Variants in PARP10 observed in about 807,000 individuals in gnomAD.
PARP10 encodes protein mono-ADP-ribosyltransferase PARP10.
Under a neutral mutation model 82.4 loss-of-function variants are expected in PARP10, and 56 were observed. The observed-to-expected ratio is 0.68, with a 90% CI of 0.55 to 0.85. PARP10 has a LOEUF of 0.85. PARP10 is among the 40% of genes least tolerant of loss of function. PARP10 has a pLI of 0.00. For missense variants in PARP10, 1,227 were observed against 1,379.4 expected (o/e 0.89, Z 1.75); for synonymous variants, 576 against 601.1 (o/e 0.96, Z 0.61).
rs1251523606 is a variant in PARP10 at position 144,008,697 on chromosome 8, C to T, written c.-80+3833G>A. 6.6e-6 allele frequency among the ~76,000 whole-genome samples: 1 copy of T among 152,164 alleles called. No homozygotes were observed. Among genetic ancestry groups the T allele is most frequent in the Non-Finnish European group, 1.5e-5 (1 of 68,036 alleles). ...CAGGACTGAGAGCAGCATAGAGAGG[C>T]CCAGTGTCTCTCACTCCCCAGACTC... is the stretch of plus-strand genomic sequence containing the variant. On this transcript the variant is annotated intron_variant, in intron 1 of 3. Coordinates refer to the PARP10 transcript ENST00000530478. This position sits in a 1 kb window ranked among gnomAD's most constrained non-coding sequence, Gnocchi z 4.0.
rs782137513 is a variant in PARP10, at chr8:143,985,618, T to A, written c.467A>T (p.Asn156Ile). ...CACCAAGGTCCCCTCCAGGCCCAGA[T>A]TCTGGGCCTGCTCCTCCAGGACACG... ...DVRVLEEQAQ[N>I]LGLEGTLVSL... Residue 156 changes from asparagine (N) to isoleucine (I), a missense_variant, in exon 4 of 11, where the codon AAT becomes ATT. By Grantham distance (149) the Asn-to-Ile change is moderately radical. Coordinates refer to ENST00000313028, the MANE Select transcript of PARP10 (RefSeq NM_032789.5). 1.2e-5 allele frequency: 20 copies of A among 1,613,622 alleles called. No individual in the cohort carries two copies. Among genetic ancestry groups the A allele is most frequent in the Admixed American group, 1.7e-5 (1 of 59,960 alleles).
chr8:143,991,595 C>T (rs374773416), upstream of PARP10: 8 of 1,604,674 alleles, frequency 5.0e-6, no homozygotes, highest in Non-Finnish European at 6.8e-6. Context: ...CAGGACAAGA[C>T]CCTGACTGTG....
At chr8:143,980,318 T>TAAAAAAAAAAAAAAAAAAAAA (rs1564247548) in intron 9 of PARP10, among the ~76,000 whole-genome samples, 2 of 15,666 alleles carry the variant, frequency 1.3e-4, no homozygotes, top group African/African-American at 2.8e-4. Flanking sequence ...AGATTCCGTC[T>TAAAAAAAAAAAAAAAAAAAAA]CAAAAAAAAA....
chr8:144,012,419 C>T lies in PARP10; in HGVS notation c.-80+111G>A. The T allele has an allele frequency of 3.7e-6, 4 of 1,095,822 alleles. No homozygotes were observed. In the Admixed American group the frequency reaches 8.5e-5, roughly 23 times the overall value. 67.9% of individuals were successfully genotyped at this position (1,095,822 alleles called of 1,614,324 possible). ...GCCCACTGGGCCAGCCTTGCAGACT[C>T]TGCACCCTCCTTCAGCCCAGGCAAG... is the stretch of plus-strand genomic sequence containing the variant. On this transcript the variant is annotated intron_variant, in intron 1 of 3. Transcript: ENST00000530478.
At chr8:144,005,920 T>A (rs1834233088) in intron 1 of PARP10, among the ~76,000 whole-genome samples, 1 of 152,040 alleles carries the variant, frequency 6.6e-6, no homozygotes, top group Non-Finnish European at 1.5e-5. Flanking sequence ...ACATTGACCA[T>A]CTTCCAAGTG....
In PARP10 at chr8:143,996,841, C is replaced by T. The variant is rs544878469; in HGVS notation, c.-79-10403G>A. Among the ~76,000 whole-genome samples, 7 of 152,234 alleles carry T rather than the reference C, an allele frequency of 4.6e-5. No homozygotes were observed. In the South Asian group the frequency reaches 1.4e-3, roughly 32 times the overall value. ...CTCGCAGCGGGCTGAGGAGGCCAGT[C>T]GAGGCCATAAGTAAAAAGCTCAAAA... On this transcript the variant is annotated intron_variant, in intron 1 of 3. Transcript: ENST00000530478.
chr8:144,010,226 A>G (rs1554752359), intron 1 of PARP10, among the ~76,000 whole-genome samples: 2 of 152,190 alleles, frequency 1.3e-5, no homozygotes, highest in Non-Finnish European at 1.5e-5. Context: ...GCATTTATAT[A>G]TGATCATTCA....
At chr8:144,006,954 G>A (rs548155803) in intron 1 of PARP10, among the ~76,000 whole-genome samples, 9 of 152,152 alleles carry the variant, frequency 5.9e-5, no homozygotes, top group African/African-American at 9.7e-5. Flanking sequence ...GCAAGCCTTC[G>A]TGTCCACCTG....
upstream of PARP10, chr8:143,990,580 C>G (rs1344621213): frequency 1.3e-5 from 2 of 152,504 alleles, no homozygotes; most frequent in Non-Finnish European, 2.9e-5. This position sits in a 1 kb window ranked among gnomAD's most constrained non-coding sequence, Gnocchi z 5.6. Flanking sequence ...CCCACACACC[C>G]CCGCACCCCG....
At position 143,977,782 on chromosome 8, in the gene PARP10, G is replaced by C; in HGVS notation, c.2780C>G (p.Ser927Trp). ...GVYFARRASLSVQDRYSPPNA... is the reference protein window; with the variant it reads ...GVYFARRASLWVQDRYSPPNA... Reference sequence around the variant, plus strand: ...GGGGGGCGAGTAGCGGTCCTGCACCGACAGGGAGGCGCGCCTGGCGAAATA... The same window carrying C: ...GGGGGGCGAGTAGCGGTCCTGCACCCACAGGGAGGCGCGCCTGGCGAAATA... Residue 927 changes from serine (S) to tryptophan (W), a missense_variant, in exon 11 of 11, where the codon TCG (serine) becomes TGG (tryptophan). Transcript: ENST00000313028. 1 of 1,603,598 alleles carries C rather than the reference G, an allele frequency of 6.2e-7. No homozygotes were observed. Among genetic ancestry groups the C allele is most frequent in the Non-Finnish European group, 8.5e-7 (1 of 1,175,618 alleles).
At position 143,983,495 on chromosome 8, in the gene PARP10, G is replaced by C. The variant is rs1460902185; in HGVS notation, c.2094C>G (p.Pro698=). ...LEQPPLEAEE[P]PDGGTDGKAQ... Reference sequence around the variant, plus strand: ...CCTTGCCATCAGTCCCCCCATCTGGGGGCTCTTCTGCCTCCAACGGGGGCT... The same window carrying C: ...CCTTGCCATCAGTCCCCCCATCTGGCGGCTCTTCTGCCTCCAACGGGGGCT... The change falls in exon 8 of 11, where the codon CCC becomes CCG. Residue 698 remains proline, a synonymous_variant. Coordinates refer to ENST00000313028, the MANE Select transcript of PARP10 (RefSeq NM_032789.5). 2 of 1,606,348 alleles carry C rather than the reference G, an allele frequency of 1.2e-6. No individual in the cohort carries two copies. The highest frequency in any genetic ancestry group is 1.7e-6 in the Non-Finnish European group (2 of 1,177,402).
chr8:143,991,163 GC>G, upstream of PARP10: 1 of 1,246,066 alleles, frequency 8.0e-7, no homozygotes, highest in Non-Finnish European at 1.1e-6. Flanking sequence ...CTGTCGTCAA[GC>G]CAACTGTTCC....
At position 144,008,784 on chromosome 8, in the gene PARP10, A is replaced by T. The variant is rs1834251844; in HGVS notation, c.-80+3746T>A. Among the ~76,000 whole-genome samples the T allele has an allele frequency of 6.6e-6, 1 of 152,242 alleles. No individual in the cohort carries two copies. Among genetic ancestry groups the T allele is most frequent in the African/African-American group, 2.4e-5 (1 of 41,454 alleles). ...CATTTTTGGATGAATCTCACTCCCA[A>T]ACTTGTGGTACTCTTTATACCAAGC... On this transcript the variant is annotated intron_variant, in intron 1 of 3. Coordinates refer to the PARP10 transcript ENST00000530478. The surrounding 1 kb of genome is among the most constrained non-coding windows in gnomAD (Gnocchi z 4.0).
chr8:143,984,279 C>T lies in PARP10; in HGVS notation c.1611G>A (p.Glu537=), dbSNP rs373969280. The T allele has an allele frequency of 9.9e-6, 16 of 1,613,980 alleles. No homozygotes were observed. Among genetic ancestry groups the T allele is most frequent in the Non-Finnish European group, 1.4e-5 (16 of 1,179,990 alleles). Residue 537 remains glutamate (E), a synonymous_variant, in exon 6 of 11, where the codon GAG becomes GAA. Transcript: ENST00000313028. Reference sequence around the variant, plus strand: ...TCCCAAAGACACACTGGAACTGAGCCTCCAGCCCCTGGAGAAGGTGCTGCC... The same window carrying T: ...TCCCAAAGACACACTGGAACTGAGCTTCCAGCCCCTGGAGAAGGTGCTGCC... ...PEGQHLLQGL[E]AQFQCVFGTE... is the part of the protein sequence containing the mutation.
intron 1 of PARP10, among the ~76,000 whole-genome samples, chr8:144,005,679 C>T (rs1399967791): frequency 3.3e-5 from 5 of 151,990 alleles, no homozygotes; most frequent in African/African-American, 9.7e-5. Context: ...CATTGGCCTC[C>T]TTGACGGTCT....
chr8:144,003,786 G>A (rs1274211337), intron 1 of PARP10, among the ~76,000 whole-genome samples: 1 of 152,096 alleles, frequency 6.6e-6, no homozygotes, highest in Non-Finnish European at 1.5e-5. Flanking sequence ...AGCATTTTGG[G>A]AGGCCAAACC....
Position 143,985,218 on chromosome 8 carries a change from C to T in PARP10, c.784G>A (p.Gly262Arg). 6.2e-7 allele frequency: 1 copy of T among 1,614,136 alleles called. No individual in the cohort carries two copies. The highest frequency in any genetic ancestry group is 8.5e-7 in the Non-Finnish European group (1 of 1,180,022). ...GGCCCCTGGGTGGACGGGTGGTCCCCTCCACTGGTGTTCTCAGCCAGCTCC... is the reference window on the plus strand; with the variant it reads ...GGCCCCTGGGTGGACGGGTGGTCCCTTCCACTGGTGTTCTCAGCCAGCTCC... Reference protein sequence around the residue: ...PEELAENTSGGDHPSTQGPRA... With the variant: ...PEELAENTSGRDHPSTQGPRA... Residue 262 changes from glycine (G) to arginine (R), a missense_variant, in exon 5 of 11, where the codon GGG becomes AGG. Gly to Arg is a moderately radical substitution (Grantham distance 125). Transcript: ENST00000313028.
upstream of PARP10, among the ~76,000 whole-genome samples, chr8:143,994,959 A>G (rs374801948): frequency 2.0e-5 from 3 of 151,894 alleles, no homozygotes; most frequent in Non-Finnish European, 4.4e-5. Context: ...GGGCGGGGGC[A>G]GGGGTGGTCT....
upstream of PARP10, chr8:143,989,944 G>C (rs1834061221): frequency 6.6e-6 from 1 of 152,258 alleles, no homozygotes; most frequent in Non-Finnish European, 1.5e-5. The surrounding 1 kb of genome is among the most constrained non-coding windows in gnomAD (Gnocchi z 4.3). Flanking sequence ...CCTCTGGCCG[G>C]AGCGAAGAGG....
Sources: allele counts gnomAD v4.1 joint callset (sites outside exome capture counted in the v4.1 genomes callset), GRCh38; gene constraint gnomAD v4.1.1; non-coding constraint Gnocchi (gnomAD v3.1); transcripts MANE v1.5; gene names NCBI Gene and HGNC (gene_info 2026-07-23, HGNC 2026-07-21).